The following FHOD3 variants were observed in gnomAD, a reference collection of about 807,000 sequenced individuals.
FHOD3 encodes the protein formin homology 2 domain containing 3.
A neutral mutation model predicts 173.0 loss-of-function variants in FHOD3; 90 were observed. That is an observed-to-expected ratio of 0.52 (90% CI 0.44 to 0.62). The LOEUF is 0.62. Ranked by LOEUF, FHOD3 falls within the 20% of genes least tolerant of loss-of-function variation. The probability of loss-of-function intolerance (pLI) is 0.00; values close to 1 mark genes in which losing one functional copy is unlikely to be tolerated. For synonymous variants in FHOD3, 828 were observed against 823.0 expected, an observed-to-expected ratio of 1.01 and a Z score of -0.10; for missense variants, 1,945 against 2,034.7, an observed-to-expected ratio of 0.96 and a Z score of 0.85.
chr18:36,336,142 C>T (rs1428240320), intron 1 of FHOD3, among the ~76,000 whole-genome samples: 2 of 152,110 alleles, frequency 1.3e-5, no homozygotes, highest in Non-Finnish European at 2.9e-5. Flanking sequence ...CATGTTTAGG[C>T]AAATTGTAAA....
intron 23 of FHOD3, 107 bp downstream of exon 23, chr18:36,744,300 C>A: frequency 1.8e-6 from 2 of 1,095,730 alleles, no homozygotes; most frequent in Non-Finnish European, 2.6e-6. Context: ...TGCCCAAGTG[C>A]TGCCTGCATT....
intron 5 of FHOD3, among the ~76,000 whole-genome samples, chr18:36,515,831 G>A (rs752906088): frequency 2.0e-5 from 3 of 152,136 alleles, no homozygotes; most frequent in African/African-American, 4.8e-5. Flanking sequence ...TCTGAAAGAC[G>A]AGCACTCCAC....
At chr18:36,588,744 T>C (rs1157400168) in intron 6 of FHOD3, among the ~76,000 whole-genome samples, 1 of 152,240 alleles carries the variant, frequency 6.6e-6, no homozygotes, top group Non-Finnish European at 1.5e-5. Context: ...GTAAAAGTAT[T>C]AAGAGACTGT....
intron 5 of FHOD3, among the ~76,000 whole-genome samples, chr18:36,557,472 T>C (rs2057933515): frequency 6.6e-6 from 1 of 152,224 alleles, no homozygotes; most frequent in African/African-American, 2.4e-5. Flanking sequence ...AATTGTGGTT[T>C]CATCTAAAAG....
intron 3 of FHOD3, among the ~76,000 whole-genome samples, chr18:36,493,687 T>G (rs1052975100): frequency 6.6e-6 from 1 of 152,190 alleles, no homozygotes; most frequent in African/African-American, 2.4e-5. Flanking sequence ...TAATTTCTCA[T>G]GGCTGCACCT....
intron 17 of FHOD3, among the ~76,000 whole-genome samples, chr18:36,703,312 C>A (rs929148038): frequency 2.6e-5 from 4 of 152,156 alleles, no homozygotes; most frequent in Admixed American, 2.6e-4. Flanking sequence ...CTTCCAGGGG[C>A]TGAGCCAGGG....
intron 3 of FHOD3, among the ~76,000 whole-genome samples, chr18:36,418,272 GTACTCTGAAA>G (rs2049781778): frequency 2.0e-5 from 3 of 152,158 alleles, no homozygotes; most frequent in African/African-American, 7.2e-5. Context: ...ACATTTTCAT[GTACTCTGAAA>G]AGGAATTTTT....
chr18:36,755,178 TAAAC>T lies in FHOD3; in HGVS notation c.4296_4299del (p.Lys1433SerfsTer10), dbSNP rs780284791. 3.1e-6 allele frequency: 5 copies of T among 1,612,252 alleles called. No individual in the cohort carries two copies. The highest frequency in any genetic ancestry group is 1.7e-5 in the Admixed American group (1 of 59,798). ...CCTTATGCAATTCGGGAAGTGAACATAAACAAATTCTGCAGGATTATTAGTGAAT... is the reference window on the plus strand; with the variant it reads ...CCTTATGCAATTCGGGAAGTGAACATAAATTCTGCAGGATTATTAGTGAAT... On this transcript the variant is annotated frameshift_variant, in exon 25 of 29. Coordinates refer to ENST00000590592, the MANE Select transcript of FHOD3 (RefSeq NM_001281740.3). LOFTEE classifies it high-confidence loss of function.
intron 5 of FHOD3, among the ~76,000 whole-genome samples, chr18:36,571,202 C>G (rs2058439886): frequency 6.6e-6 from 1 of 152,060 alleles, no homozygotes; most frequent in South Asian, 2.1e-4. Flanking sequence ...TATACAAATT[C>G]AATTTTGTTT....
At chr18:36,657,109 G>A (rs893907876) in intron 13 of FHOD3, among the ~76,000 whole-genome samples, 3 of 152,152 alleles carry the variant, frequency 2.0e-5, no homozygotes, top group Admixed American at 6.5e-5. Context: ...ATGGGCGTTT[G>A]GACTGGATTC....
chr18:36,525,992 G>A (rs1254706157), intron 5 of FHOD3, among the ~76,000 whole-genome samples: 1 of 152,240 alleles, frequency 6.6e-6, no homozygotes, highest in Admixed American at 6.5e-5. Context: ...GATCACTTGG[G>A]TGATCTTGGG....
chr18:36,580,530 C>G (rs768123441), intron 6 of FHOD3, among the ~76,000 whole-genome samples: 2 of 152,200 alleles, frequency 1.3e-5, no homozygotes, highest in Admixed American at 6.5e-5. Flanking sequence ...CTCCTGCCCC[C>G]CTGCAGGGTG....
chr18:36,776,041 C>A (rs1428300572), intron 28 of FHOD3, among the ~76,000 whole-genome samples: 2 of 152,190 alleles, frequency 1.3e-5, no homozygotes, highest in African/African-American at 4.8e-5. Context: ...TCATCCGCAG[C>A]CAGCCGACCT....
chr18:36,598,333 C>T (rs989558721), intron 7 of FHOD3, among the ~76,000 whole-genome samples: 2 of 152,162 alleles, frequency 1.3e-5, no homozygotes, highest in Admixed American at 1.3e-4. Flanking sequence ...AAAATCATTA[C>T]TACCTAAAGC....
intron 20 of FHOD3, among the ~76,000 whole-genome samples, chr18:36,737,756 C>T (rs1446713775): frequency 2.0e-5 from 3 of 152,240 alleles, no homozygotes; most frequent in Admixed American, 1.3e-4. Flanking sequence ...CAGCCAGATA[C>T]GTCCTGATGC....
chr18:36,471,983 G>T (rs969072178), intron 3 of FHOD3, among the ~76,000 whole-genome samples: 2 of 152,114 alleles, frequency 1.3e-5, no homozygotes, highest in African/African-American at 4.8e-5. Context: ...TTAGTTCCCA[G>T]GGTTAAAGTC....
rs542222422 is a variant in FHOD3, at chr18:36,578,339, C to T, written c.606+1794C>T. 5.3e-5 allele frequency among the ~76,000 whole-genome samples: 8 copies of T among 152,272 alleles called. No individual in the cohort carries two copies. The East Asian group carries it at 1.5e-3, about 29-fold the overall frequency. ...TGCAGGGGAGCCACCCTTTATAAAA[C>T]CATCAGATCTCAGAAGACTTATTCA... On this transcript the variant is annotated intron_variant, in intron 6 of 28. Transcript: ENST00000590592.
Position 36,594,852 on chromosome 18 carries a change from C to T in FHOD3, c.672C>T (p.Asn224=), listed in dbSNP as rs763044140. 9 of 1,613,886 alleles carry T rather than the reference C, an allele frequency of 5.6e-6. No homozygotes were observed. The highest frequency in any genetic ancestry group is 2.2e-5 in the South Asian group (2 of 91,004). The change falls in exon 7 of 29, where the codon AAC becomes AAT. Residue 224 remains asparagine, a synonymous_variant. Coordinates refer to ENST00000590592, the MANE Select transcript of FHOD3 (RefSeq NM_001281740.3). The part of the protein sequence containing the change: ...LLVFVEYSES[N]APLLIQAVTA... ...TCTTTGTAGAGTACTCGGAGTCCAA[C>T]GCACCTCTCCTAATTCAGGCTGTCA...
rs189944756 is a variant in FHOD3 at position 36,551,416 on chromosome 18, C to A, written c.512-25035C>A. Among the ~76,000 whole-genome samples, 86 of 152,008 alleles carry A rather than the reference C, an allele frequency of 5.7e-4. 1 individual carries two copies. The highest frequency in any genetic ancestry group is 2.0e-3 in the Admixed American group (30 of 15,276). On this transcript the variant is annotated intron_variant, in intron 5 of 28. Transcript: ENST00000590592. ...GAAATATTTGCCCCTCTTCAATTTT[C>A]TGGAAGAGTTTGTGTAGAATTGGTA... is the stretch of plus-strand genomic sequence containing the variant.
Sources: gnomAD v4.1 joint callset for allele counts (sites outside exome capture counted in the v4.1 genomes callset) on GRCh38, gnomAD v4.1.1 for gene constraint, MANE v1.5 for transcripts, NCBI Gene and HGNC (gene_info 2026-07-23, HGNC 2026-07-21) for gene names.